KCNIP4: variants seen among roughly 807,000 people sequenced by gnomAD.
The protein encoded by KCNIP4 is potassium voltage-gated channel interacting protein 4, also known as Kv channel-interacting protein 4.
In KCNIP4, 12 loss-of-function variants were observed where a neutral mutation model predicts 34.0. The ratio of observed to expected loss-of-function variants is 0.35; its 90% confidence interval spans 0.23 to 0.57. The LOEUF (loss-of-function observed/expected upper bound fraction) is 0.57. KCNIP4 is among the 20% of genes least tolerant of loss of function. KCNIP4 has a pLI of 0.83. For synonymous variants in KCNIP4, 124 were observed against 102.2 expected (o/e 1.21, Z -1.29); for missense variants, 238 against 311.7 (o/e 0.76, Z 1.78).
At chr4:20,827,037 C>A (rs1241682143) in intron 3 of KCNIP4, among the ~76,000 whole-genome samples, 2 of 152,160 alleles carry the variant, frequency 1.3e-5, no homozygotes, top group Non-Finnish European at 2.9e-5. Context: ...TCTCTTGAAG[C>A]TGGGAAGACG....
At chr4:21,050,386 C>T (rs1386618836) in intron 1 of KCNIP4, among the ~76,000 whole-genome samples, 1 of 151,866 alleles carries the variant, frequency 6.6e-6, no homozygotes, top group Non-Finnish European at 1.5e-5. Flanking sequence ...ATATCAATAG[C>T]TCTTTGGCTA....
intron 1 of KCNIP4, among the ~76,000 whole-genome samples, chr4:21,086,236 T>C (rs1746417615): frequency 6.6e-6 from 1 of 152,128 alleles, no homozygotes; most frequent in Non-Finnish European, 1.5e-5. Context: ...TAAACCCAAA[T>C]CTTAATTAAT....
At chr4:21,006,938 T>C (rs1318138532) in intron 1 of KCNIP4, among the ~76,000 whole-genome samples, 1 of 152,168 alleles carries the variant, frequency 6.6e-6, no homozygotes, top group African/African-American at 2.4e-5. Context: ...ATTCTCTCTG[T>C]TCTTGAGGAC....
chr4:20,986,662 T>C (rs931944594), intron 1 of KCNIP4, among the ~76,000 whole-genome samples: 1 of 152,248 alleles, frequency 6.6e-6, no homozygotes, highest in Admixed American at 6.5e-5. Context: ...CGCTTTTCCC[T>C]TTATTTCTAT....
chr4:20,731,719 T>G, intron 8 of KCNIP4: 1 of 985,154 alleles, frequency 1.0e-6, no homozygotes, highest in South Asian at 4.7e-5. Context: ...CATGTATGTT[T>G]TATCCTCCAT....
At chr4:21,773,365 T>C (rs1383144075) in intron 1 of KCNIP4, among the ~76,000 whole-genome samples, 2 of 152,186 alleles carry the variant, frequency 1.3e-5, no homozygotes, top group Non-Finnish European at 2.9e-5. Context: ...ATAAGTGCCA[T>C]GTGGCACTGA....
chr4:20,938,651 T>G (rs998917576), intron 1 of KCNIP4, among the ~76,000 whole-genome samples: 1 of 152,170 alleles, frequency 6.6e-6, no homozygotes, highest in African/African-American at 2.4e-5. Context: ...CTTCACAAAC[T>G]TCTCCAATGC....
chr4:20,797,108 C>A lies in KCNIP4; in HGVS notation c.289-38218G>T, dbSNP rs527277734. On this transcript the variant is annotated intron_variant, in intron 3 of 8. Transcript: ENST00000382152. Reference sequence around the variant, plus strand: ...TACAAGCTAGAAAGGGCTCAAGTGTCACCAGACTTTTCTAAGGGGATATTT... The same window carrying A: ...TACAAGCTAGAAAGGGCTCAAGTGTAACCAGACTTTTCTAAGGGGATATTT... 2.0e-5 allele frequency among the ~76,000 whole-genome samples: 3 copies of A among 152,288 alleles called. No individual in the cohort carries two copies. In the South Asian group the frequency reaches 6.2e-4, roughly 32 times the overall value.
chr4:21,176,466 T>C (rs1754418532), intron 1 of KCNIP4, among the ~76,000 whole-genome samples: 1 of 152,176 alleles, frequency 6.6e-6, no homozygotes. Context: ...AGTAAAAAAA[T>C]GGAAAATCAC....
At chr4:21,420,492 A>C (rs997180673) in intron 1 of KCNIP4, among the ~76,000 whole-genome samples, 1 of 152,190 alleles carries the variant, frequency 6.6e-6, no homozygotes, top group African/African-American at 2.4e-5. Flanking sequence ...AGCATTCAAT[A>C]TCTTCCTATT....
rs199853411 is a variant in KCNIP4, at chr4:21,919,517, G to A, written c.61+29054C>T. Among the ~76,000 whole-genome samples the A allele has an allele frequency of 1.3e-4, 20 of 152,272 alleles. No individual in the cohort carries two copies. In the East Asian group the frequency reaches 2.7e-3, roughly 21 times the overall value. ...TGAACCATACCATTCAGCATTAGTA[G>A]CCTACCCAATGGCCATTTCTCCTTT... On this transcript the variant is annotated intron_variant, in intron 1 of 8. Transcript: ENST00000382152.
intron 3 of KCNIP4, among the ~76,000 whole-genome samples, chr4:20,835,004 C>A (rs1008100266): frequency 6.6e-6 from 1 of 152,136 alleles, no homozygotes; most frequent in African/African-American, 2.4e-5. Context: ...TCATTCAATT[C>A]TTTGAGCTTC....
In KCNIP4 at chr4:21,756,560, A is replaced by G. The variant is rs561895834; in HGVS notation, c.61+192011T>C. Among the ~76,000 whole-genome samples the G allele has an allele frequency of 5.4e-3, 820 of 151,812 alleles. 2 individuals carry two copies. Among genetic ancestry groups the G allele is most frequent in the Non-Finnish European group, 8.6e-3 (583 of 67,884 alleles). On this transcript the variant is annotated intron_variant, in intron 1 of 8. Coordinates refer to ENST00000382152, the MANE Select transcript of KCNIP4 (RefSeq NM_025221.6). ...AGAGCAAGACTCTGTCTCAAAAAAA[A>G]AAAAAAAAAGAGAGAGAGAGAGAAA...
chr4:20,972,111 TCCA>T (rs957292589), intron 1 of KCNIP4, among the ~76,000 whole-genome samples: 5 of 152,200 alleles, frequency 3.3e-5, no homozygotes, highest in African/African-American at 1.2e-4. Flanking sequence ...TCTTGCTATT[TCCA>T]CCACATTTAC....
At chr4:21,426,452 T>C (rs1255616726) in intron 1 of KCNIP4, among the ~76,000 whole-genome samples, 1 of 152,222 alleles carries the variant, frequency 6.6e-6, no homozygotes, top group Non-Finnish European at 1.5e-5. Flanking sequence ...TCTGACCATT[T>C]ACTCTTGGAT....
Position 21,547,141 on chromosome 4 carries a change from C to A in KCNIP4, c.61+401430G>T, listed in dbSNP as rs566016609. ...GAATGTGGAGTAGAAATGCCAAAAT[C>A]TGCTGTTCAACTGAGTCTCCCAGCA... On this transcript the variant is annotated intron_variant, in intron 1 of 8. Coordinates refer to ENST00000382152, the MANE Select transcript of KCNIP4 (RefSeq NM_025221.6). Among the ~76,000 whole-genome samples, 3 of 152,186 alleles carry A rather than the reference C, an allele frequency of 2.0e-5. No homozygotes were observed. The South Asian group carries it at 6.2e-4, about 32-fold the overall frequency.
intron 1 of KCNIP4, among the ~76,000 whole-genome samples, chr4:21,286,238 A>G (rs1351612865): frequency 6.6e-6 from 1 of 152,196 alleles, no homozygotes; most frequent in Non-Finnish European, 1.5e-5. Context: ...GTTTGATTGG[A>G]CAACATTGTG....
intron 1 of KCNIP4, among the ~76,000 whole-genome samples, chr4:20,943,723 C>A (rs2149624503): frequency 6.6e-6 from 1 of 152,184 alleles, no homozygotes; most frequent in African/African-American, 2.4e-5. Context: ...CATGACACTG[C>A]AGGACCAATG....
At chr4:21,122,483 G>A (rs1050698392) in intron 1 of KCNIP4, among the ~76,000 whole-genome samples, 9 of 145,322 alleles carry the variant, frequency 6.2e-5, no homozygotes, top group African/African-American at 1.0e-4. Flanking sequence ...TTTTAAGTGC[G>A]TATACATTTT....
Sources: gnomAD v4.1 joint callset for allele counts (sites outside exome capture counted in the v4.1 genomes callset) on GRCh38, gnomAD v4.1.1 for gene constraint, MANE v1.5 for transcripts, NCBI Gene and HGNC (gene_info 2026-07-23, HGNC 2026-07-21) for gene names.